Variants in ZFAT observed in about 807,000 individuals in gnomAD.
The protein encoded by ZFAT is zinc finger and AT-hook domain containing.
A neutral mutation model predicts 117.7 loss-of-function variants in ZFAT; 64 were observed. The ratio of observed to expected loss-of-function variants is 0.54; its 90% confidence interval spans 0.44 to 0.67. The LOEUF (loss-of-function observed/expected upper bound fraction) is 0.67. ZFAT is among the 30% of genes least tolerant of loss of function. The pLI, the probability that ZFAT is intolerant of heterozygous loss-of-function variation, is 0.00. For missense variants in ZFAT, 1,433 were observed against 1,584.5 expected, an observed-to-expected ratio of 0.90 and a Z score of 1.62; for synonymous variants, 679 against 615.0, an observed-to-expected ratio of 1.10 and a Z score of -1.54.
At chr8:134,674,167 G>A (rs762103897) in intron 1 of ZFAT, among the ~76,000 whole-genome samples, 38 of 152,140 alleles carry the variant, frequency 2.5e-4, no homozygotes, top group Non-Finnish European at 4.1e-4. Flanking sequence ...ACAAGGGGTC[G>A]GGAGATTTTC....
At chr8:134,740,811 C>T in the ZFAT span, among the ~76,000 whole-genome samples, 1 of 152,150 alleles carries the variant, frequency 6.6e-6, no homozygotes, top group African/African-American at 2.4e-5. Flanking sequence ...GTACAGCCAA[C>T]CAACAAGCTC....
At chr8:134,613,570 C>A (rs553956694) in intron 3 of ZFAT, among the ~76,000 whole-genome samples, 38 of 152,274 alleles carry the variant, frequency 2.5e-4, no homozygotes, top group African/African-American at 8.4e-4. Flanking sequence ...CCCACGGCTG[C>A]TTTGGGGTGT....
intron 1 of ZFAT, among the ~76,000 whole-genome samples, chr8:134,694,089 C>T (rs1476817215): frequency 6.6e-6 from 1 of 152,174 alleles, no homozygotes; most frequent in Non-Finnish European, 1.5e-5. Flanking sequence ...TCCTGGAACA[C>T]AAGGCCAGAG....
chr8:134,758,186 G>C, the ZFAT span, among the ~76,000 whole-genome samples: 3 of 152,170 alleles, frequency 2.0e-5, no homozygotes, highest in Non-Finnish European at 2.9e-5. Flanking sequence ...GAAATGTGAG[G>C]GGGATTGGCT....
chr8:134,634,016 A>T (rs950181168), intron 3 of ZFAT, among the ~76,000 whole-genome samples: 4 of 152,198 alleles, frequency 2.6e-5, no homozygotes, highest in Non-Finnish European at 4.4e-5. Context: ...ACTGCACTCC[A>T]GCCTAGGCAA....
At chr8:134,559,564 CGAA>C (rs1823907057) in intron 11 of ZFAT, among the ~76,000 whole-genome samples, 1 of 152,170 alleles carries the variant, frequency 6.6e-6, no homozygotes, top group Non-Finnish European at 1.5e-5. Flanking sequence ...AGTGGTGAGT[CGAA>C]GAACACATGC....
At chr8:134,545,598 T>A (rs760863261) in intron 11 of ZFAT, among the ~76,000 whole-genome samples, 2 of 152,160 alleles carry the variant, frequency 1.3e-5, no homozygotes, top group Non-Finnish European at 2.9e-5. Flanking sequence ...GTAATTACAG[T>A]TTTTGCCATT....
intron 10 of ZFAT, among the ~76,000 whole-genome samples, chr8:134,582,338 C>A (rs577161602): frequency 6.6e-6 from 1 of 152,300 alleles, no homozygotes; most frequent in East Asian, 1.9e-4. Context: ...CCTTCTTGAC[C>A]CTGTCACCGT....
At chr8:134,830,119 C>A in the ZFAT span, among the ~76,000 whole-genome samples, 2 of 152,114 alleles carry the variant, frequency 1.3e-5, no homozygotes, top group African/African-American at 4.8e-5. Context: ...GTCAACAAGA[C>A]CTACAGGAGG....
At chr8:134,784,879 A>G in the ZFAT span, 1 of 152,148 alleles carries the variant, frequency 6.6e-6, no homozygotes, top group Non-Finnish European at 1.5e-5. Flanking sequence ...TCTCTTTTAC[A>G]ACACATCAAT....
At chr8:134,658,502 C>G (rs138826282) in intron 1 of ZFAT, among the ~76,000 whole-genome samples, 1 of 152,238 alleles carries the variant, frequency 6.6e-6, no homozygotes, top group East Asian at 1.9e-4. Flanking sequence ...TTCAATGAAA[C>G]GGCAGGAATT....
chr8:134,772,613 A>G, the ZFAT span, among the ~76,000 whole-genome samples: 2 of 152,258 alleles, frequency 1.3e-5, no homozygotes, highest in African/African-American at 4.8e-5. Context: ...ATGAAATAGC[A>G]AGTGCTGATT....
At chr8:134,709,306 G>A (rs1813899589) in intron 1 of ZFAT, among the ~76,000 whole-genome samples, 1 of 152,224 alleles carries the variant, frequency 6.6e-6, no homozygotes, top group Non-Finnish European at 1.5e-5. Flanking sequence ...GGGAAGGGAA[G>A]AGACAAACCC....
chr8:134,667,495 A>G (rs1034085842), intron 1 of ZFAT, among the ~76,000 whole-genome samples: 1 of 133,924 alleles, frequency 7.5e-6, no homozygotes, highest in African/African-American at 2.6e-5. Flanking sequence ...TAAGTCTCAA[A>G]AAAAAAAAAA....
At chr8:134,667,549 G>A (rs1225865940) in intron 1 of ZFAT, among the ~76,000 whole-genome samples, 2 of 119,608 alleles carry the variant, frequency 1.7e-5, no homozygotes, top group African/African-American at 5.8e-5. Flanking sequence ...CAAACCACCA[G>A]GGCACATATG....
intron 11 of ZFAT, among the ~76,000 whole-genome samples, chr8:134,535,296 G>A (rs975339776): frequency 2.0e-5 from 3 of 152,100 alleles, no homozygotes; most frequent in African/African-American, 7.2e-5. Context: ...TGCCTTCCAG[G>A]TATCTCCACA....
the ZFAT span, among the ~76,000 whole-genome samples, chr8:134,768,221 C>G: frequency 1.3e-5 from 2 of 152,190 alleles, no homozygotes; most frequent in Non-Finnish European, 2.9e-5. Flanking sequence ...ATTCTCACAT[C>G]ATTTTCATTT....
At chr8:134,693,960 T>C (rs1189209799) in intron 1 of ZFAT, among the ~76,000 whole-genome samples, 2 of 152,224 alleles carry the variant, frequency 1.3e-5, no homozygotes, top group East Asian at 3.8e-4. Context: ...GCATTATTTC[T>C]GCGCAATTCC....
intron 15 of ZFAT, 148 bp downstream of exon 15, chr8:134,509,471 G>A (rs1563789557): frequency 9.5e-7 from 1 of 1,054,906 alleles, no homozygotes; most frequent in Non-Finnish European, 1.3e-6. Context: ...CATGAGATCA[G>A]AGGTAGAATA....
Sources: allele counts gnomAD v4.1 joint callset (sites outside exome capture counted in the v4.1 genomes callset), GRCh38; gene constraint gnomAD v4.1.1; transcripts MANE v1.5; gene names NCBI Gene and HGNC (gene_info 2026-07-23, HGNC 2026-07-21).